The following GPR176 variants were observed in gnomAD, a reference collection of about 807,000 sequenced individuals.
GPR176 encodes G-protein coupled receptor 176.
A neutral mutation model predicts 35.4 loss-of-function variants in GPR176; 26 were observed. That is an observed-to-expected ratio of 0.74 (90% CI 0.54 to 1.02). GPR176 has a LOEUF of 1.02. Among genes scored for constraint, GPR176 ranks in the 50% least tolerant of loss-of-function variants. The pLI is 0.00. For missense variants in GPR176, 597 were observed against 665.3 expected (o/e 0.90, Z 1.13); for synonymous variants, 278 against 271.3 (o/e 1.02, Z -0.24).
chr15:39,891,006 G>C (rs2032851845), intron 1 of GPR176, among the ~76,000 whole-genome samples: 1 of 152,164 alleles, frequency 6.6e-6, no homozygotes, highest in African/African-American at 2.4e-5. Context: ...AAGAGGTAGA[G>C]AAGAATAGAT....
At chr15:39,863,745 C>T (rs1184518178) in intron 1 of GPR176, among the ~76,000 whole-genome samples, 1 of 152,148 alleles carries the variant, frequency 6.6e-6, no homozygotes, top group Admixed American at 6.5e-5. Flanking sequence ...TGTAATTTTA[C>T]TCTACCTTTT....
chr15:39,809,257 T>A (rs1166917525), intron 1 of GPR176, among the ~76,000 whole-genome samples: 1 of 152,228 alleles, frequency 6.6e-6, no homozygotes, highest in Non-Finnish European at 1.5e-5. Flanking sequence ...TCTAAACCTC[T>A]GCTCTCGCTC....
chr15:39,807,376 T>C (rs1029107733), intron 1 of GPR176, 118 bp from the exon 2 acceptor site: 8 of 741,064 alleles, frequency 1.1e-5, no homozygotes, highest in Non-Finnish European at 1.6e-5. Flanking sequence ...TTCAAAAGAT[T>C]TAATGTAAAT....
At chr15:39,853,403 G>C (rs573140249) in intron 1 of GPR176, among the ~76,000 whole-genome samples, 1 of 152,194 alleles carries the variant, frequency 6.6e-6, no homozygotes, top group South Asian at 2.1e-4. Context: ...TCCAGGAGCT[G>C]GGGAAGGAGG....
Position 39,915,129 on chromosome 15 carries a change from T to C in GPR176, c.172+4726A>G, listed in dbSNP as rs116984150. The stretch of plus-strand genomic sequence containing the variant: ...CACTACAGACCATTCATAAGTGTAT[T>C]AGTCTGCTCCAGCTGCTATAACAAA... On this transcript the variant is annotated intron_variant, in intron 1 of 2. Transcript: ENST00000561100. 3.2e-3 allele frequency among the ~76,000 whole-genome samples: 484 copies of C among 152,344 alleles called. 4 individuals are homozygous for C. The East Asian group carries it at 0.04, about 13-fold the overall frequency.
chr15:39,894,781 G>A (rs1482173881), intron 1 of GPR176, among the ~76,000 whole-genome samples: 2 of 151,122 alleles, frequency 1.3e-5, no homozygotes, highest in African/African-American at 4.9e-5. Flanking sequence ...GATGATGGGC[G>A]GCCAGGCAGA....
At chr15:39,818,123 G>A (rs1290998208) in intron 1 of GPR176, among the ~76,000 whole-genome samples, 1 of 152,212 alleles carries the variant, frequency 6.6e-6, no homozygotes. Context: ...GCAGTGTTCA[G>A]TACAATTTGC....
Position 39,908,550 on chromosome 15 carries a change from CT to C in GPR176, c.172+11304del, listed in dbSNP as rs199790696. Among the ~76,000 whole-genome samples, 505 of 143,994 alleles carry C rather than the reference CT, an allele frequency of 3.5e-3. 6 individuals carry two copies. Among genetic ancestry groups the C allele is most frequent in the East Asian group, 5.6e-3 (28 of 4,976 alleles). 94.5% of individuals were successfully genotyped at this position (143,994 alleles called of 152,430 possible). A position where few individuals can be genotyped will look rare whatever the true frequency, so the allele number is the denominator to read the frequency against. ...AAGTTTAAGCAATAAAGGAGATTTT[CT>C]TTTTTTTTTTTTCTTTTTTTTGTTC... On this transcript the variant is annotated intron_variant, in intron 1 of 2. Coordinates refer to ENST00000561100, the MANE Select transcript of GPR176 (RefSeq NM_007223.3).
At position 39,801,303 on chromosome 15, in the gene GPR176, C is replaced by T. The variant is rs1258333972; in HGVS notation, c.1377G>A (p.Glu459=). Residue 459 remains glutamate, a synonymous_variant, in exon 3 of 3, where the codon GAG becomes GAA. Coordinates refer to ENST00000561100, the MANE Select transcript of GPR176 (RefSeq NM_007223.3). Reference sequence around the variant, plus strand: ...TCTCTGAGAGCCACTGAGGAGGCAACTCAAAAGGCCCAAAGCCAAACTGCA... The same window carrying T: ...TCTCTGAGAGCCACTGAGGAGGCAATTCAAAAGGCCCAAAGCCAAACTGCA... The part of the protein sequence containing the change: ...YSLQFGFGPF[E]LPPQWLSETR... 2 of 1,614,062 alleles carry T rather than the reference C, an allele frequency of 1.2e-6. No individual in the cohort carries two copies. The highest frequency in any genetic ancestry group is 1.3e-5 in the African/African-American group (1 of 74,932).
Position 39,801,366 on chromosome 15 carries a change from GGCTGCCGGT to G in GPR176, c.1305_1313del (p.Ala437_Pro439del). The G allele has an allele frequency of 6.2e-7, 1 of 1,614,182 alleles. No homozygotes were observed. The highest frequency in any genetic ancestry group is 2.2e-5 in the East Asian group (1 of 44,880). On this transcript the variant is annotated inframe_deletion, in exon 3 of 3. Transcript: ENST00000561100. The stretch of plus-strand genomic sequence containing the variant: ...CAGGGAATGTTTCAGGTTCCACAGG[GGCTGCCGGT>G]GCCACCTGGGATACAGAGTCCACTG...
At chr15:39,883,350 C>T (rs971133134) in intron 1 of GPR176, among the ~76,000 whole-genome samples, 2 of 151,546 alleles carry the variant, frequency 1.3e-5, no homozygotes, top group African/African-American at 2.4e-5. Flanking sequence ...ATATGAGAAA[C>T]GTTTACTATT....
Position 39,799,717 on chromosome 15 carries a change from G to C in GPR176, c.*1415C>G, listed in dbSNP as rs995303955. ...CAAGAACACAACACTCTAGAGAAAA[G>C]GGCAGAGCTGGCGCTTGGTTTGTCC... On this transcript the variant is annotated 3_prime_UTR_variant, in exon 3 of 3. Coordinates refer to ENST00000561100, the MANE Select transcript of GPR176 (RefSeq NM_007223.3). 1 of 152,280 alleles carries C rather than the reference G, an allele frequency of 6.6e-6. No individual in the cohort carries two copies. Among genetic ancestry groups the C allele is most frequent in the East Asian group, 1.9e-4 (1 of 5,196 alleles). The allele number at this position is 152,280 out of a possible 1,614,324, so 9.4% of individuals were successfully genotyped here. A position where few individuals can be genotyped will look rare whatever the true frequency, so the allele number is the denominator to read the frequency against.
chr15:39,874,860 A>G (rs1316667245), intron 1 of GPR176, among the ~76,000 whole-genome samples: 2 of 152,202 alleles, frequency 1.3e-5, no homozygotes, highest in African/African-American at 4.8e-5. Flanking sequence ...CCTGACCAAC[A>G]TGAAGAAACC....
At chr15:39,877,074 A>T (rs1395251800) in intron 1 of GPR176, among the ~76,000 whole-genome samples, 2 of 152,186 alleles carry the variant, frequency 1.3e-5, no homozygotes, top group Non-Finnish European at 2.9e-5. Flanking sequence ...TTAATAAAGC[A>T]ATTAAAAGTC....
chr15:39,893,571 C>T (rs1300363226), intron 1 of GPR176, among the ~76,000 whole-genome samples: 1 of 152,260 alleles, frequency 6.6e-6, no homozygotes, highest in Non-Finnish European at 1.5e-5. Context: ...CTTTCTATTC[C>T]ACAAAGCCGC....
intron 1 of GPR176, among the ~76,000 whole-genome samples, chr15:39,885,878 T>C (rs1248647542): frequency 6.6e-6 from 1 of 152,176 alleles, no homozygotes; most frequent in Non-Finnish European, 1.5e-5. Flanking sequence ...TCATACTGAA[T>C]AGACAATTCA....
At chr15:39,914,155 A>G (rs2033661647) in intron 1 of GPR176, among the ~76,000 whole-genome samples, 1 of 152,178 alleles carries the variant, frequency 6.6e-6, no homozygotes, top group Non-Finnish European at 1.5e-5. Flanking sequence ...TTAAATTTTC[A>G]CCAGAGAATT....
At chr15:39,900,708 C>G (rs1021984590) in intron 1 of GPR176, among the ~76,000 whole-genome samples, 8 of 152,128 alleles carry the variant, frequency 5.3e-5, no homozygotes, top group South Asian at 2.1e-4. Flanking sequence ...CAGAAGAAGG[C>G]AGAACACAGC....
At chr15:39,892,711 G>A (rs2032921767) in intron 1 of GPR176, among the ~76,000 whole-genome samples, 2 of 152,238 alleles carry the variant, frequency 1.3e-5, no homozygotes. Context: ...AGCCAAGGAA[G>A]GCCAAGGATG....
Sources: allele counts gnomAD v4.1 joint callset (sites outside exome capture counted in the v4.1 genomes callset), GRCh38; gene constraint gnomAD v4.1.1; transcripts MANE v1.5; gene names NCBI Gene and HGNC (gene_info 2026-07-23, HGNC 2026-07-21).